PAPPA2: variants seen among roughly 807,000 people sequenced by gnomAD.
The protein encoded by PAPPA2 is pappalysin 2, also known as pappalysin-2.
A neutral mutation model predicts 176.4 loss-of-function variants in PAPPA2; 86 were observed. The observed-to-expected ratio is 0.49, with a 90% CI of 0.41 to 0.58. The LOEUF (loss-of-function observed/expected upper bound fraction) is 0.58. Among genes scored for constraint, PAPPA2 ranks in the 20% least tolerant of loss-of-function variants. PAPPA2 has a pLI of 0.00. For synonymous variants in PAPPA2, 809 were observed against 852.2 expected, an observed-to-expected ratio of 0.95 and a Z score of 0.88; for missense variants, 2,073 against 2,256.9, an observed-to-expected ratio of 0.92 and a Z score of 1.65.
chr1:176,734,221 A>C (rs749966758), intron 12 of PAPPA2, among the ~76,000 whole-genome samples: 1 of 152,144 alleles, frequency 6.6e-6, no homozygotes, highest in Non-Finnish European at 1.5e-5. Context: ...CTAAAATCAC[A>C]GTTTGAGGAC....
intron 20 of PAPPA2, among the ~76,000 whole-genome samples, chr1:176,796,582 GTTTC>G (rs1416538137): frequency 8.0e-5 from 12 of 150,814 alleles, no homozygotes; most frequent in African/African-American, 2.7e-4. Context: ...AACCTTTACT[GTTTC>G]TTTCTTTCTC....
chr1:176,785,898 A>G (rs554357022), intron 17 of PAPPA2, among the ~76,000 whole-genome samples: 1 of 152,334 alleles, frequency 6.6e-6, no homozygotes, highest in South Asian at 2.1e-4. Context: ...TCAGAGAAAA[A>G]TACCACATGA....
At chr1:176,769,888 C>CTCCACTGTG in intron 16 of PAPPA2, 104 bp downstream of exon 16, 1 of 1,233,370 alleles carries the variant, frequency 8.1e-7, no homozygotes, top group Non-Finnish European at 1.1e-6. Context: ...TTCCTATTTG[C>CTCCACTGTG]TCCACTGTGT....
intron 1 of PAPPA2, among the ~76,000 whole-genome samples, chr1:176,530,882 C>T (rs1649773110): frequency 6.6e-6 from 1 of 152,148 alleles, no homozygotes; most frequent in Non-Finnish European, 1.5e-5. Flanking sequence ...TTTGATAAGA[C>T]TAAGGAAATT....
intron 2 of PAPPA2, among the ~76,000 whole-genome samples, chr1:176,588,958 C>T (rs574349733): frequency 3.3e-5 from 5 of 152,188 alleles, no homozygotes; most frequent in South Asian, 4.2e-4. Context: ...CTTTGTTGTG[C>T]GTAGGGGCAT....
chr1:176,500,499 AATTT>A (rs982025006), intron 1 of PAPPA2, among the ~76,000 whole-genome samples: 12 of 148,248 alleles, frequency 8.1e-5, no homozygotes, highest in Middle Eastern at 3.6e-3. Flanking sequence ...ATTTATATAT[AATTT>A]ATTTATACAT....
chr1:176,628,872 C>T (rs181312362), intron 3 of PAPPA2, among the ~76,000 whole-genome samples: 2 of 152,334 alleles, frequency 1.3e-5, no homozygotes, highest in East Asian at 1.9e-4. Flanking sequence ...CTGCTCTTCA[C>T]AAGATATATT....
At chr1:176,729,052 T>C (rs971360225) in intron 12 of PAPPA2, among the ~76,000 whole-genome samples, 20 of 152,028 alleles carry the variant, frequency 1.3e-4, no homozygotes, top group Admixed American at 2.6e-4. Context: ...TAGGTTTTTT[T>C]CTCTTTAATT....
At position 176,800,065 on chromosome 1, in the gene PAPPA2, T is replaced by C. The variant is rs1206356306; in HGVS notation, c.5135T>C (p.Ile1712Thr). 2.5e-6 allele frequency: 4 copies of C among 1,614,054 alleles called. No homozygotes were observed. The highest frequency in any genetic ancestry group is 2.5e-6 in the Non-Finnish European group (3 of 1,179,936). Residue 1712 changes from isoleucine (I) to threonine (T), a missense_variant, in exon 21 of 23, where the codon ATT becomes ACT. Physicochemically the swap from Ile to Thr is moderately conservative, Grantham distance 89. Around this residue, in one of 4 missense-constraint regions of PAPPA2, gnomAD observed 846 missense variants for 857.9 expected, o/e 0.99. Coordinates refer to ENST00000367662, the MANE Select transcript of PAPPA2 (RefSeq NM_020318.3). ...TTTTCCCGTCTTTCCCCTTAGAGCA[T>C]TGTGTGCACTGGCCGGCGTCAATGG... is the stretch of plus-strand genomic sequence containing the variant. ...HWMEPVKVQSIVCTGRRQWHP... is the reference protein window; with the variant it reads ...HWMEPVKVQSTVCTGRRQWHP...
chr1:176,778,769 A>G (rs1327039636), intron 17 of PAPPA2, among the ~76,000 whole-genome samples: 1 of 152,206 alleles, frequency 6.6e-6, no homozygotes, highest in Non-Finnish European at 1.5e-5. Flanking sequence ...TATCTGTGAG[A>G]AATAGAAATT....
chr1:176,735,093 A>C (rs574325292), intron 12 of PAPPA2, among the ~76,000 whole-genome samples: 1 of 152,270 alleles, frequency 6.6e-6, no homozygotes, highest in Admixed American at 6.5e-5. Context: ...TTAAGCTTTC[A>C]GAATCCTAGT....
intron 4 of PAPPA2, among the ~76,000 whole-genome samples, chr1:176,688,234 A>C (rs1659940571): frequency 6.6e-6 from 1 of 152,202 alleles, no homozygotes; most frequent in Non-Finnish European, 1.5e-5. Context: ...TGGTGGAGGA[A>C]AAAGGATGAA....
At chr1:176,487,741 T>C (rs564286595) in intron 1 of PAPPA2, among the ~76,000 whole-genome samples, 2 of 152,278 alleles carry the variant, frequency 1.3e-5, no homozygotes, top group East Asian at 1.9e-4. Context: ...TAAAATGTGA[T>C]TCCTGTTCCC....
At chr1:176,488,228 G>T (rs1572960831) in intron 1 of PAPPA2, among the ~76,000 whole-genome samples, 1 of 151,502 alleles carries the variant, frequency 6.6e-6, no homozygotes, top group South Asian at 2.1e-4. Context: ...GAGCTGGTTG[G>T]GTCATAAGTC....
chr1:176,602,652 C>G (rs1323236956), intron 3 of PAPPA2, among the ~76,000 whole-genome samples: 1 of 151,640 alleles, frequency 6.6e-6, no homozygotes, highest in Non-Finnish European at 1.5e-5. Context: ...GGAAAATAAG[C>G]GTAAGGGGTA....
intron 3 of PAPPA2, among the ~76,000 whole-genome samples, chr1:176,663,953 T>A (rs908470481): frequency 3.3e-5 from 5 of 152,182 alleles, no homozygotes; most frequent in African/African-American, 2.4e-5. Context: ...GGTCTCTTGA[T>A]ATGGTGGGTA....
intron 17 of PAPPA2, among the ~76,000 whole-genome samples, chr1:176,777,161 T>C (rs1664491724): frequency 6.6e-6 from 1 of 152,144 alleles, no homozygotes; most frequent in African/African-American, 2.4e-5. Context: ...ACAGAACCAA[T>C]GAGAAGAGCA....
chr1:176,581,580 A>C (rs1370524449), intron 2 of PAPPA2, among the ~76,000 whole-genome samples: 3 of 152,106 alleles, frequency 2.0e-5, no homozygotes, highest in African/African-American at 7.2e-5. Context: ...ATATTCTTTA[A>C]ATCCATTAAT....
rs763277115 is a variant in PAPPA2 at position 176,740,013 on chromosome 1, T to G, written c.3968T>G (p.Leu1323Arg). Reference sequence around the variant, plus strand: ...GGACTGTCATGCCAGCATAATCCACTGATTATCAATGTGACCCATCACCAG... The same window carrying G: ...GGACTGTCATGCCAGCATAATCCACGGATTATCAATGTGACCCATCACCAG... ...TYGLSCQHNP[L>R]IINVTHHQNV... Residue 1323 changes from leucine (L) to arginine (R), a missense_variant, in exon 14 of 23, where the codon CTG becomes CGG. Coordinates refer to ENST00000367662, the MANE Select transcript of PAPPA2 (RefSeq NM_020318.3). The G allele has an allele frequency of 1.9e-6, 3 of 1,613,944 alleles. No homozygotes were observed. In the South Asian group the frequency reaches 3.3e-5, roughly 18 times the overall value.
Sources: allele counts gnomAD v4.1 joint callset (sites outside exome capture counted in the v4.1 genomes callset), GRCh38; gene constraint gnomAD v4.1.1; regional missense constraint gnomAD v4.1.1; transcripts MANE v1.5; gene names NCBI Gene and HGNC (gene_info 2026-07-23, HGNC 2026-07-21).